Variants in VPS53 observed in about 807,000 individuals in gnomAD.
VPS53 encodes the protein vacuolar protein sorting-associated protein 53 homolog.
Under a neutral mutation model 107.0 loss-of-function variants are expected in VPS53, and 70 were observed. The observed-to-expected ratio is 0.65, with a 90% CI of 0.54 to 0.80. The LOEUF (loss-of-function observed/expected upper bound fraction) is 0.80, where lower values mean the gene tolerates loss of function less well. Among genes scored for constraint, VPS53 ranks in the 30% least tolerant of loss-of-function variants. VPS53 has a pLI of 0.00. For synonymous variants in VPS53, 409 were observed against 393.3 expected (o/e 1.04, Z -0.47); for missense variants, 917 against 1,049.4 (o/e 0.87, Z 1.74).
chr17:620,379 G>A (rs1444222502), intron 11 of VPS53, among the ~76,000 whole-genome samples: 4 of 152,230 alleles, frequency 2.6e-5, no homozygotes, highest in Non-Finnish European at 5.9e-5. Flanking sequence ...TGAAGTCTCA[G>A]GGTTTTAGGA....
At chr17:667,474 C>T (rs1274766502) in intron 4 of VPS53, among the ~76,000 whole-genome samples, 3 of 135,738 alleles carry the variant, frequency 2.2e-5, no homozygotes, top group Non-Finnish European at 4.6e-5. Flanking sequence ...CAGAAGAGGA[C>T]TGTTTTAAAC....
intron 17 of VPS53, among the ~76,000 whole-genome samples, chr17:545,048 C>A (rs1281828090): frequency 6.6e-6 from 1 of 151,892 alleles, no homozygotes; most frequent in Non-Finnish European, 1.5e-5. Context: ...GCCACCGCAC[C>A]CAAGCCTGGG....
chr17:630,296 A>C (rs183670408), intron 8 of VPS53, among the ~76,000 whole-genome samples: 260 of 152,114 alleles, frequency 1.7e-3, no homozygotes, highest in South Asian at 2.1e-3. Context: ...CGTCAAAAAA[A>C]AAACAAACAA....
rs567017795 is a variant in VPS53 at position 688,363 on chromosome 17, C to T, written c.285+9055G>A. On this transcript the variant is annotated intron_variant, in intron 4 of 21. Transcript: ENST00000437048. Reference sequence around the variant, plus strand: ...AAGGATGGGTTTGCTTCCCTTTCCACCATGATTGTAAGTTTCCTGAGGCAT... The same window carrying T: ...AAGGATGGGTTTGCTTCCCTTTCCATCATGATTGTAAGTTTCCTGAGGCAT... Among the ~76,000 whole-genome samples the T allele has an allele frequency of 2.6e-5, 4 of 152,318 alleles. No individual in the cohort carries two copies. The South Asian group carries it at 6.2e-4, about 24-fold the overall frequency.
At chr17:609,197 C>T (rs995239975) in intron 11 of VPS53, among the ~76,000 whole-genome samples, 2 of 152,160 alleles carry the variant, frequency 1.3e-5, no homozygotes, top group African/African-American at 2.4e-5. Flanking sequence ...CCAACCCCAT[C>T]GGCCTCTATG....
chr17:585,093 T>C (rs1967242985), intron 13 of VPS53, among the ~76,000 whole-genome samples: 1 of 152,176 alleles, frequency 6.6e-6, no homozygotes, highest in Non-Finnish European at 1.5e-5. Flanking sequence ...CAAAGTATCA[T>C]CCCATAAGAT....
At chr17:699,509 GC>G in intron 2 of VPS53, 129 bp from the exon 3 acceptor site, 4 of 643,300 alleles carry the variant, frequency 6.2e-6, no homozygotes, top group Non-Finnish European at 9.3e-6. Context: ...TATGAGTTTT[GC>G]TTTAAAAAAA....
At chr17:656,691 G>T in intron 5 of VPS53, 1 of 578,542 alleles carries the variant, frequency 1.7e-6, no homozygotes, top group South Asian at 2.1e-5. Context: ...GGTCCATGCT[G>T]ACTAAGAAAT....
rs765068071 is a variant in VPS53 at position 562,668 on chromosome 17, C to A, written c.1391G>T (p.Gly464Val). Residue 464 changes from glycine (G) to valine (V), a missense_variant, in exon 14 of 22, where the codon GGG (glycine) becomes GTG (valine). Transcript: ENST00000437048. ...QGPPKPNTDE[G>V]GAVLPSCADL... ...GGCGCAGCTGGGGAGCACGGCACCC[C>A]CTTCATCAGTGTTGGGCTTAGGTGG... 1 of 1,613,778 alleles carries A rather than the reference C, an allele frequency of 6.2e-7. No individual in the cohort carries two copies. Among genetic ancestry groups the A allele is most frequent in the Non-Finnish European group, 8.5e-7 (1 of 1,179,986 alleles).
chr17:598,701 G>A (rs1968131350), intron 12 of VPS53, among the ~76,000 whole-genome samples: 1 of 118,108 alleles, frequency 8.5e-6, no homozygotes, highest in South Asian at 2.9e-4. Flanking sequence ...CCCCGTCTGA[G>A]AAGTGAGGAG....
chr17:574,467 T>C (rs4533345), intron 13 of VPS53, among the ~76,000 whole-genome samples: 7,350 of 152,230 alleles, frequency 0.048, 265 homozygotes, highest in Middle Eastern at 0.15. Context: ...GACATGTGCT[T>C]TAAACCCTGG....
intron 13 of VPS53, among the ~76,000 whole-genome samples, chr17:574,698 G>A (rs1168919164): frequency 6.6e-6 from 1 of 152,180 alleles, no homozygotes; most frequent in Admixed American, 6.5e-5. Flanking sequence ...CCAGGAGGTT[G>A]AGGCTACAGT....
At chr17:546,360 C>CACAT (rs1911196660) in intron 17 of VPS53, among the ~76,000 whole-genome samples, 1 of 151,358 alleles carries the variant, frequency 6.6e-6, no homozygotes, top group East Asian at 1.9e-4. Context: ...CACACACACA[C>CACAT]ACACACACAC....
chr17:690,985 G>C (rs1022083799), intron 4 of VPS53, among the ~76,000 whole-genome samples: 1 of 152,092 alleles, frequency 6.6e-6, no homozygotes, highest in Non-Finnish European at 1.5e-5. Flanking sequence ...TAATGAGCTC[G>C]GCCCAGAACA....
chr17:638,891 T>C (rs1439290343), intron 7 of VPS53, among the ~76,000 whole-genome samples: 2 of 152,250 alleles, frequency 1.3e-5, no homozygotes, highest in African/African-American at 4.8e-5. Flanking sequence ...GACAGTTATG[T>C]GTCTTGGAAT....
intron 17 of VPS53, among the ~76,000 whole-genome samples, chr17:544,584 C>T (rs1054277720): frequency 7.9e-5 from 12 of 152,198 alleles, no homozygotes; most frequent in African/African-American, 2.7e-4. Context: ...GTGACCTTCC[C>T]ACCTTAGCCT....
At position 601,822 on chromosome 17, in the gene VPS53, C is replaced by T. The variant is rs1439810128; in HGVS notation, c.1191G>A (p.Leu397=). The change falls in exon 12 of 22, where the codon CTG becomes CTA. Residue 397 remains leucine (L), a synonymous_variant. Coordinates refer to ENST00000437048, the MANE Select transcript of VPS53 (RefSeq NM_001128159.3). The part of the protein sequence containing the change: ...EDEPTPEMEE[L]ATEKGDLDQP... ...GATCTAAATCTCCTTTCTCCGTTGC[C>T]AGTTCCTCCATCTCTGGTGTTGGCT... 1 of 1,603,118 alleles carries T rather than the reference C, an allele frequency of 6.2e-7. No homozygotes were observed. The highest frequency in any genetic ancestry group is 1.7e-5 in the Admixed American group (1 of 58,662).
chr17:652,538 C>T (rs60887231), intron 7 of VPS53, among the ~76,000 whole-genome samples: 15,093 of 152,078 alleles, frequency 0.099, 849 homozygotes, highest in East Asian at 0.22. Flanking sequence ...CCAAGCAGCC[C>T]GTGGAAGACA....
chr17:682,274 T>A (rs2143796401), intron 4 of VPS53, among the ~76,000 whole-genome samples: 1 of 152,250 alleles, frequency 6.6e-6, no homozygotes, highest in African/African-American at 2.4e-5. Flanking sequence ...ATATGCTGCA[T>A]GAAACCCGCT....
Sources: allele counts gnomAD v4.1 joint callset (sites outside exome capture counted in the v4.1 genomes callset), GRCh38; gene constraint gnomAD v4.1.1; transcripts MANE v1.5; gene names NCBI Gene and HGNC (gene_info 2026-07-23, HGNC 2026-07-21).